KCNN2: variants seen among roughly 807,000 people sequenced by gnomAD.
The protein encoded by KCNN2 is small conductance calcium-activated potassium channel protein 2.
KCNN2 carries 24 observed loss-of-function variants against 55.5 expected under a neutral mutation model. That is an observed-to-expected ratio of 0.43 (90% CI 0.31 to 0.61). The LOEUF (loss-of-function observed/expected upper bound fraction) is 0.61. KCNN2 is among the 20% of genes least tolerant of loss of function. The probability of loss-of-function intolerance (pLI) is 0.08; values close to 1 mark genes in which losing one functional copy is unlikely to be tolerated. For synonymous variants in KCNN2, 431 were observed against 336.1 expected, an observed-to-expected ratio of 1.28 and a Z score of -3.09; for missense variants, 754 against 853.6, an observed-to-expected ratio of 0.88 and a Z score of 1.45.
chr5:114,378,664 G>T (rs950043734), intron 2 of KCNN2, among the ~76,000 whole-genome samples: 3 of 152,118 alleles, frequency 2.0e-5, no homozygotes, highest in African/African-American at 7.2e-5. Context: ...TCGGGGTTGG[G>T]AGTCATTTTT....
At chr5:114,488,722 TCTC>T (rs1224610780) in intron 6 of KCNN2, among the ~76,000 whole-genome samples, 2 of 152,046 alleles carry the variant, frequency 1.3e-5, no homozygotes, top group Admixed American at 1.3e-4. Flanking sequence ...CTCACACAAC[TCTC>T]CTATTAGAGT....
chr5:114,149,266 T>G (rs977948315), intron 1 of KCNN2, among the ~76,000 whole-genome samples: 1 of 152,074 alleles, frequency 6.6e-6, no homozygotes, highest in Admixed American at 6.6e-5. Context: ...CTGGAGACCT[T>G]ATCGTCGAGA....
At chr5:114,088,913 G>A (rs1045793432) in intron 1 of KCNN2, among the ~76,000 whole-genome samples, 7 of 152,238 alleles carry the variant, frequency 4.6e-5, no homozygotes, top group African/African-American at 1.4e-4. Flanking sequence ...GAGCCACTGC[G>A]CCCAGCCACA....
rs190673355 is a variant in KCNN2 at position 114,262,775 on chromosome 5, C to T, written c.-185+41210C>T. On this transcript the variant is annotated intron_variant, in intron 2 of 10. Transcript: ENST00000512097. Reference sequence around the variant, plus strand: ...GATGCTTGTTGAGATGGACAGCGTGCCTGGATTCTCCCTGCAACTTAACTA... The same window carrying T: ...GATGCTTGTTGAGATGGACAGCGTGTCTGGATTCTCCCTGCAACTTAACTA... Among the ~76,000 whole-genome samples the T allele has an allele frequency of 1.4e-3, 218 of 152,200 alleles. 1 individual carries two copies. Among genetic ancestry groups the T allele is most frequent in the African/African-American group, 4.9e-3 (203 of 41,532 alleles).
At chr5:114,423,119 C>G (rs1347587020) in intron 3 of KCNN2, among the ~76,000 whole-genome samples, 1 of 152,160 alleles carries the variant, frequency 6.6e-6, no homozygotes, top group South Asian at 2.1e-4. Flanking sequence ...TACTATACCA[C>G]TGATTCACAG....
intron 6 of KCNN2, among the ~76,000 whole-genome samples, chr5:114,488,114 T>C (rs1747664320): frequency 6.6e-6 from 1 of 152,176 alleles, no homozygotes; most frequent in African/African-American, 2.4e-5. Context: ...AGGAAATTAC[T>C]AAGCATTCAT....
intron 2 of KCNN2, among the ~76,000 whole-genome samples, chr5:114,279,407 C>T (rs1037066247): frequency 2.6e-5 from 4 of 152,002 alleles, no homozygotes; most frequent in African/African-American, 7.3e-5. Flanking sequence ...TCTGTTAACT[C>T]GTGATTTACA....
At chr5:114,436,900 T>C (rs1760023245) in intron 3 of KCNN2, among the ~76,000 whole-genome samples, 6 of 152,192 alleles carry the variant, frequency 3.9e-5, no homozygotes, top group Admixed American at 3.9e-4. Flanking sequence ...GCTGGCATTA[T>C]TGAGGAATTG....
chr5:114,264,040 G>T (rs1200991785), intron 2 of KCNN2, among the ~76,000 whole-genome samples: 2 of 152,166 alleles, frequency 1.3e-5, no homozygotes, highest in Non-Finnish European at 2.9e-5. Flanking sequence ...GGAAATGGAT[G>T]TGAACCTGAC....
intron 2 of KCNN2, among the ~76,000 whole-genome samples, chr5:114,402,504 T>C (rs1456094386): frequency 2.6e-5 from 4 of 152,200 alleles, no homozygotes; most frequent in Non-Finnish European, 5.9e-5. Flanking sequence ...TATAGGCTAT[T>C]GATGCAAGAG....
At chr5:114,063,320 A>G (rs1411614487) in intron 1 of KCNN2, among the ~76,000 whole-genome samples, 4 of 152,244 alleles carry the variant, frequency 2.6e-5, no homozygotes, top group Non-Finnish European at 5.9e-5. Context: ...TCATCCTGCT[A>G]TGCTTTTTAT....
intron 5 of KCNN2, among the ~76,000 whole-genome samples, chr5:114,476,537 G>GC (rs994373828): frequency 4.0e-5 from 6 of 151,432 alleles, no homozygotes; most frequent in Non-Finnish European, 8.8e-5. Context: ...TCCTGCCTCA[G>GC]CCCCCCAAAT....
rs539475270 is a variant in KCNN2 at position 114,148,135 on chromosome 5, T to C, written c.-270-73345T>C. 3.0e-4 allele frequency among the ~76,000 whole-genome samples: 45 copies of C among 152,284 alleles called. No individual in the cohort carries two copies. In the South Asian group the frequency reaches 9.3e-3, roughly 32 times the overall value. ...CTAGCTGTAGGAGCTGAATTGTTAA[T>C]GGAAGGTATAGTGAGAGCAAATTTT... On this transcript the variant is annotated intron_variant, in intron 1 of 10. Coordinates refer to the KCNN2 transcript ENST00000512097.
intron 1 of KCNN2, among the ~76,000 whole-genome samples, chr5:114,088,636 T>C (rs1751068321): frequency 6.6e-6 from 1 of 152,214 alleles, no homozygotes; most frequent in Non-Finnish European, 1.5e-5. Context: ...TGTTTTGTTT[T>C]TGAGATGGAG....
chr5:114,077,205 T>C (rs1750701231), intron 1 of KCNN2, among the ~76,000 whole-genome samples: 1 of 152,200 alleles, frequency 6.6e-6, no homozygotes, highest in African/African-American at 2.4e-5. Flanking sequence ...CATTCTCTTC[T>C]CCCAGGCAAC....
chr5:114,350,075 T>C (rs1285963311), intron 2 of KCNN2, among the ~76,000 whole-genome samples: 3 of 152,012 alleles, frequency 2.0e-5, no homozygotes, highest in African/African-American at 7.2e-5. Context: ...TATTCAGAGA[T>C]TTTGCCTTTG....
chr5:114,334,125 G>A (rs1048982380), intron 2 of KCNN2, among the ~76,000 whole-genome samples: 1 of 151,816 alleles, frequency 6.6e-6, no homozygotes, highest in Non-Finnish European at 1.5e-5. Flanking sequence ...GCTGATTCTG[G>A]GCCAGTCTTT....
intron 2 of KCNN2, among the ~76,000 whole-genome samples, chr5:114,306,701 T>C (rs1434278173): frequency 6.4e-4 from 6 of 9,434 alleles, no homozygotes; most frequent in African/African-American, 1.6e-3. Flanking sequence ...TTTTTTTTTC[T>C]TTTTTTTTTT....
intron 4 of KCNN2, among the ~76,000 whole-genome samples, chr5:114,467,476 G>T (rs1213532561): frequency 2.0e-5 from 3 of 152,116 alleles, no homozygotes; most frequent in South Asian, 2.1e-4. Flanking sequence ...TTTAACTTTT[G>T]TATTGCTTGC....
Sources: allele counts gnomAD v4.1 joint callset (sites outside exome capture counted in the v4.1 genomes callset), GRCh38; gene constraint gnomAD v4.1.1; transcripts MANE v1.5; gene names NCBI Gene and HGNC (gene_info 2026-07-23, HGNC 2026-07-21).